Variants in MIR2052HG observed in about 807,000 individuals in gnomAD.
MIR2052HG encodes MIR2052 host gene.
intron 4 of MIR2052HG, among the ~76,000 whole-genome samples, chr8:74,731,446 T>C (rs543530882): frequency 6.6e-6 from 1 of 152,282 alleles, no homozygotes; most frequent in East Asian, 1.9e-4. Flanking sequence ...ACTTGTGGAA[T>C]GTCGGATACA....
chr8:74,752,456 A>G (rs1202054261), exon 5 of MIR2052HG: 1 of 442,702 alleles, frequency 2.3e-6, no homozygotes, highest in Non-Finnish European at 4.5e-6. Flanking sequence ...CGTTCAGTCC[A>G]GCCACCAGAT....
chr8:74,692,088 T>A (rs1301112254), intron 2 of MIR2052HG, among the ~76,000 whole-genome samples: 1 of 152,148 alleles, frequency 6.6e-6, no homozygotes, highest in Non-Finnish European at 1.5e-5. Flanking sequence ...GTTTCTTTCT[T>A]TTCTTTTCTT....
chr8:74,744,138 G>A (rs1194538936), intron 4 of MIR2052HG, among the ~76,000 whole-genome samples: 1 of 152,144 alleles, frequency 6.6e-6, no homozygotes, highest in African/African-American at 2.4e-5. Flanking sequence ...GAAGCTAAGA[G>A]AGAAAGTTGA....
At chr8:74,643,093 C>G (rs1342846257) in intron 2 of MIR2052HG, among the ~76,000 whole-genome samples, 2 of 152,174 alleles carry the variant, frequency 1.3e-5, no homozygotes, top group African/African-American at 4.8e-5. Context: ...TGCTGTCTCT[C>G]TGGGAGCATT....
At chr8:74,636,134 C>T (rs950383697) in intron 2 of MIR2052HG, among the ~76,000 whole-genome samples, 5 of 152,110 alleles carry the variant, frequency 3.3e-5, no homozygotes, top group Non-Finnish European at 5.9e-5. Context: ...TAGTAAGCCA[C>T]GCTTGGCCTC....
chr8:74,740,048 T>A (rs1247781513), intron 4 of MIR2052HG, among the ~76,000 whole-genome samples: 1 of 152,236 alleles, frequency 6.6e-6, no homozygotes, highest in African/African-American at 2.4e-5. Context: ...TCATTCTGAA[T>A]TACATTTCTG....
chr8:74,621,217 C>T (rs1349798081), intron 2 of MIR2052HG, among the ~76,000 whole-genome samples: 1 of 152,198 alleles, frequency 6.6e-6, no homozygotes, highest in Non-Finnish European at 1.5e-5. Context: ...CATCTGAGCC[C>T]TCCAAGTCTC....
chr8:74,692,212 C>T (rs1809246313), intron 2 of MIR2052HG, among the ~76,000 whole-genome samples: 1 of 152,116 alleles, frequency 6.6e-6, no homozygotes, highest in African/African-American at 2.4e-5. Context: ...TGCCTCAGCT[C>T]CCCAAGTAGC....
chr8:74,661,443 C>T (rs530518587), intron 2 of MIR2052HG, among the ~76,000 whole-genome samples: 15 of 152,102 alleles, frequency 9.9e-5, no homozygotes, highest in East Asian at 7.7e-4. Context: ...CCTCCTGATC[C>T]GCCCACCTCA....
chr8:74,705,287 A>AT (rs796634743), intron 4 of MIR2052HG, among the ~76,000 whole-genome samples: 26 of 151,480 alleles, frequency 1.7e-4, no homozygotes, highest in African/African-American at 4.4e-4. Flanking sequence ...CTTTGCAGAC[A>AT]TTTTTTTTTC....
At chr8:74,667,953 G>A (rs1563527413) in intron 2 of MIR2052HG, among the ~76,000 whole-genome samples, 1 of 151,880 alleles carries the variant, frequency 6.6e-6, no homozygotes, top group African/African-American at 2.4e-5. Context: ...GATGTTGTCA[G>A]GCATGTAGGC....
intron 2 of MIR2052HG, among the ~76,000 whole-genome samples, chr8:74,701,458 A>C (rs372584355): frequency 6.6e-6 from 1 of 152,030 alleles, no homozygotes; most frequent in Non-Finnish European, 1.5e-5. Context: ...ACTCCGGGGC[A>C]GTCAGGGCTT....
intron 1 of MIR2052HG, among the ~76,000 whole-genome samples, chr8:74,608,841 A>C (rs1278192058): frequency 6.6e-6 from 1 of 152,094 alleles, no homozygotes; most frequent in Non-Finnish European, 1.5e-5. Context: ...CTGTATTAGA[A>C]AAGAAGAAAG....
intron 2 of MIR2052HG, among the ~76,000 whole-genome samples, chr8:74,669,710 T>G (rs1286020175): frequency 1.3e-5 from 2 of 152,188 alleles, no homozygotes; most frequent in African/African-American, 4.8e-5. Flanking sequence ...AATTCCTGCT[T>G]CTTGGGAGGC....
chr8:74,743,451 A>ATG (rs2128755940), intron 4 of MIR2052HG, among the ~76,000 whole-genome samples: 1 of 152,326 alleles, frequency 6.6e-6, no homozygotes, highest in African/African-American at 2.4e-5. Context: ...GAAAGGACAT[A>ATG]TGACCTAGTT....
intron 2 of MIR2052HG, among the ~76,000 whole-genome samples, chr8:74,653,555 C>T (rs943921543): frequency 2.6e-5 from 4 of 152,110 alleles, no homozygotes; most frequent in African/African-American, 7.2e-5. Flanking sequence ...TCTAACTGTG[C>T]TTCTGTTGAA....
chr8:74,626,853 T>C (rs565469012), intron 2 of MIR2052HG, among the ~76,000 whole-genome samples: 1 of 152,258 alleles, frequency 6.6e-6, no homozygotes, highest in Non-Finnish European at 1.5e-5. Flanking sequence ...CTTTTACAAA[T>C]GCAGACCAGA....
intron 2 of MIR2052HG, among the ~76,000 whole-genome samples, chr8:74,672,684 T>C (rs543081837): frequency 1.3e-5 from 2 of 152,222 alleles, no homozygotes; most frequent in African/African-American, 4.8e-5. Flanking sequence ...AATGTCACTT[T>C]CCTATCACAG....
intron 2 of MIR2052HG, among the ~76,000 whole-genome samples, chr8:74,686,428 C>A (rs550620085): frequency 6.6e-6 from 1 of 151,958 alleles, no homozygotes; most frequent in Non-Finnish European, 1.5e-5. Context: ...ATTTGTAGAA[C>A]CTTCTAGCAT....
Sources: allele counts gnomAD v4.1 joint callset (sites outside exome capture counted in the v4.1 genomes callset), GRCh38; gene constraint gnomAD v4.1.1; transcripts MANE v1.5; gene names NCBI Gene and HGNC (gene_info 2026-07-23, HGNC 2026-07-21).